The following ZNF33B variants were observed in gnomAD, a reference collection of about 807,000 sequenced individuals.
The protein encoded by ZNF33B is zinc finger protein 11b (KOX 2).
A neutral mutation model predicts 45.8 loss-of-function variants in ZNF33B; 29 were observed. The ratio of observed to expected loss-of-function variants is 0.63; its 90% CI spans 0.47 to 0.86. ZNF33B has a LOEUF of 0.86. Among genes scored for constraint, ZNF33B ranks in the 40% least tolerant of loss-of-function variants. ZNF33B has a pLI of 0.00. For synonymous variants in ZNF33B, 305 were observed against 307.8 expected (o/e 0.99, Z 0.10); for missense variants, 831 against 909.9 (o/e 0.91, Z 1.12).
chr10:42,638,536 C>T lies in ZNF33B; in HGVS notation c.-107G>A. 2.1e-6 allele frequency: 1 copy of T among 481,032 alleles called. No homozygotes were observed. Among genetic ancestry groups the T allele is most frequent in the Admixed American group, 2.2e-5 (1 of 44,902 alleles). The allele number at this position is 481,032 out of a possible 1,614,324, so 29.8% of individuals were successfully genotyped here. On this transcript the variant is annotated 5_prime_UTR_variant, in exon 1 of 5. Transcript: ENST00000359467. Reference sequence around the variant, plus strand: ...CCGGTAGACCCCTGAAATCCCGGGACCGCCTCCCACGCAAAACGTGAGACA... The same window carrying T: ...CCGGTAGACCCCTGAAATCCCGGGATCGCCTCCCACGCAAAACGTGAGACA...
intron 1 of ZNF33B, among the ~76,000 whole-genome samples, chr10:42,580,914 T>A (rs898829918): frequency 6.6e-6 from 1 of 151,264 alleles, no homozygotes; most frequent in Non-Finnish European, 1.5e-5. Flanking sequence ...AATAAATAAA[T>A]AATAAAATAA....
chr10:42,604,111 A>T (rs1380772864), intron 4 of ZNF33B, among the ~76,000 whole-genome samples: 1 of 152,228 alleles, frequency 6.6e-6, no homozygotes, highest in Non-Finnish European at 1.5e-5. Context: ...CCTTGAGAAG[A>T]TCCAGATATC....
chr10:42,614,627 G>A (rs1355723207), intron 4 of ZNF33B, among the ~76,000 whole-genome samples: 1 of 152,116 alleles, frequency 6.6e-6, no homozygotes, highest in East Asian at 1.9e-4. Flanking sequence ...ATAGACAAAG[G>A]AGATACATAA....
intron 4 of ZNF33B, among the ~76,000 whole-genome samples, chr10:42,605,590 G>T (rs1394235887): frequency 6.6e-6 from 1 of 152,034 alleles, no homozygotes; most frequent in Non-Finnish European, 1.5e-5. Context: ...AACAATAAAA[G>T]AAAGAAAAGA....
intron 4 of ZNF33B, 193 bp downstream of exon 4, chr10:42,631,736 T>G (rs1287565943): frequency 9.0e-6 from 5 of 557,632 alleles, no homozygotes; most frequent in African/African-American, 3.8e-5. Flanking sequence ...AAAAAATGAT[T>G]CTAAAAGGAA....
rs905462847 is a variant in ZNF33B, at chr10:42,592,522, A to T, written c.*91T>A. ...GCGAGTTTGTGGATAGTTATTGAACATTCAGGATGTCAACAGGCCCTTCTC... is the reference window on the plus strand; with the variant it reads ...GCGAGTTTGTGGATAGTTATTGAACTTTCAGGATGTCAACAGGCCCTTCTC... On this transcript the variant is annotated 3_prime_UTR_variant, in exon 5 of 5. Coordinates refer to ENST00000359467, the MANE Select transcript of ZNF33B (RefSeq NM_006955.3). The T allele has an allele frequency of 2.7e-6, 4 of 1,484,474 alleles. No individual in the cohort carries two copies. The African/African-American group carries it at 5.6e-5, about 21-fold the overall frequency. 92.0% of individuals were successfully genotyped at this position (1,484,474 alleles called of 1,614,324 possible).
intron 1 of ZNF33B, among the ~76,000 whole-genome samples, chr10:42,581,009 A>G (rs1836814173): frequency 6.6e-6 from 1 of 152,178 alleles, no homozygotes; most frequent in African/African-American, 2.4e-5. Context: ...ACTGTCAACA[A>G]CTAAGTAAAA....
intron 4 of ZNF33B, among the ~76,000 whole-genome samples, chr10:42,601,579 T>C (rs1331221829): frequency 6.6e-6 from 1 of 151,210 alleles, no homozygotes; most frequent in African/African-American, 2.4e-5. Flanking sequence ...GTTCAGGTGA[T>C]TCTCCTGCCT....
downstream of ZNF33B, among the ~76,000 whole-genome samples, chr10:42,586,407 C>T (rs1339044153): frequency 6.6e-6 from 1 of 151,920 alleles, no homozygotes; most frequent in Non-Finnish European, 1.5e-5. Flanking sequence ...CCTCATCCTC[C>T]CAGAGTGCTG....
chr10:42,592,587 G>C lies in ZNF33B; in HGVS notation c.*26C>G, dbSNP rs778917440. The C allele has an allele frequency of 1.3e-6, 2 of 1,597,736 alleles. No individual in the cohort carries two copies. Among genetic ancestry groups the C allele is most frequent in the East Asian group, 2.2e-5 (1 of 44,794 alleles). On this transcript the variant is annotated 3_prime_UTR_variant, in exon 5 of 5. Coordinates refer to ENST00000359467, the MANE Select transcript of ZNF33B (RefSeq NM_006955.3). ...TCTGAGGCATTATGGAGGCTGACTTGTGGCTGGAAATTTCTAATATCCAAT... is the reference window on the plus strand; with the variant it reads ...TCTGAGGCATTATGGAGGCTGACTTCTGGCTGGAAATTTCTAATATCCAAT...
At chr10:42,629,848 G>C (rs188411297) in intron 4 of ZNF33B, among the ~76,000 whole-genome samples, 2 of 152,072 alleles carry the variant, frequency 1.3e-5, no homozygotes, top group African/African-American at 4.8e-5. Context: ...CTCAGTAGTT[G>C]TTCTAGGTAT....
chr10:42,621,440 T>C (rs1297885565), intron 4 of ZNF33B, among the ~76,000 whole-genome samples: 3 of 151,514 alleles, frequency 2.0e-5, no homozygotes, highest in Non-Finnish European at 4.4e-5. Flanking sequence ...CAGTAAAATA[T>C]ATTTAATGGT....
chr10:42,599,543 TTAATATA>T (rs1193919065), intron 4 of ZNF33B, among the ~76,000 whole-genome samples: 2 of 151,824 alleles, frequency 1.3e-5, no homozygotes, highest in Non-Finnish European at 2.9e-5. Flanking sequence ...CATTATATAT[TTAATATA>T]TATTACACAT....
At chr10:42,596,460 G>A (rs1390629037) in intron 4 of ZNF33B, among the ~76,000 whole-genome samples, 1 of 151,952 alleles carries the variant, frequency 6.6e-6, no homozygotes, top group Non-Finnish European at 1.5e-5. Context: ...TCCACATAAG[G>A]TTTAGAATTA....
At chr10:42,638,269 C>T (rs1209007192) in intron 1 of ZNF33B, among the ~76,000 whole-genome samples, 1 of 152,280 alleles carries the variant, frequency 6.6e-6, no homozygotes, top group African/African-American at 2.4e-5. Flanking sequence ...GGGCAACGCA[C>T]AGGGCGTAGC....
chr10:42,586,147 C>A, downstream of ZNF33B, among the ~76,000 whole-genome samples: 1 of 131,936 alleles, frequency 7.6e-6, no homozygotes, highest in African/African-American at 2.9e-5. Context: ...TAATTTTCCT[C>A]AGATTTTTTT....
intron 4 of ZNF33B, among the ~76,000 whole-genome samples, chr10:42,629,253 G>A (rs1838943542): frequency 1.3e-5 from 2 of 151,688 alleles, no homozygotes; most frequent in South Asian, 4.2e-4. Context: ...AACTCATGGA[G>A]ATGAGGTAGA....
intron 4 of ZNF33B, among the ~76,000 whole-genome samples, chr10:42,620,311 T>C (rs185118752): frequency 9.2e-4 from 140 of 151,490 alleles, no homozygotes; most frequent in African/African-American, 1.7e-3. Flanking sequence ...CAAAATGCAA[T>C]ATGGCAGAAG....
At chr10:42,578,555 G>C (rs757867394) in intron 1 of ZNF33B, 2 of 152,266 alleles carry the variant, frequency 1.3e-5, no homozygotes, top group Non-Finnish European at 2.9e-5. Context: ...AGTAAGCATA[G>C]GACCTACACC....
Sources: gnomAD v4.1 joint callset for allele counts (sites outside exome capture counted in the v4.1 genomes callset) on GRCh38, gnomAD v4.1.1 for gene constraint, MANE v1.5 for transcripts, NCBI Gene and HGNC (gene_info 2026-07-23, HGNC 2026-07-21) for gene names.